CEACAM19: variants seen among roughly 807,000 people sequenced by gnomAD.
The protein encoded by CEACAM19 is CEA cell adhesion molecule 19.
Under a neutral mutation model 37.6 loss-of-function variants are expected in CEACAM19, and 37 were observed. The observed-to-expected ratio is 0.98, with a 90% CI of 0.76 to 1.29. CEACAM19 has a LOEUF of 1.29. Among genes scored for constraint, CEACAM19 ranks in the 50% most tolerant of loss-of-function variants. CEACAM19 has a pLI of 0.00. For missense variants in CEACAM19, 340 were observed against 375.6 expected (o/e 0.91, Z 0.78); for synonymous variants, 140 against 149.8 (o/e 0.93, Z 0.48).
rs116564005 is a variant in CEACAM19 at position 44,675,035 on chromosome 19, C to A, written c.425-1236C>A. 8.0e-3 allele frequency among the ~76,000 whole-genome samples: 1,218 copies of A among 151,890 alleles called. 13 individuals are homozygous for A. Among genetic ancestry groups the A allele is most frequent in the African/African-American group, 0.028 (1,141 of 41,384 alleles). On this transcript the variant is annotated intron_variant, in intron 2 of 7. Transcript: ENST00000358777. Reference sequence around the variant, plus strand: ...CAAGTCAATTTACTGTTCCATGCCTCAGTTTCCTTATCTGTAAAATGGCAT... The same window carrying A: ...CAAGTCAATTTACTGTTCCATGCCTAAGTTTCCTTATCTGTAAAATGGCAT...
intron 2 of CEACAM19, chr19:44,673,725 G>C (rs1225414612): frequency 6.6e-6 from 1 of 152,192 alleles, no homozygotes; most frequent in Non-Finnish European, 1.5e-5. Flanking sequence ...GAAAAATGGA[G>C]GCACGCAGTG....
intron 1 of CEACAM19, 173 bp from the exon 2 acceptor site, chr19:44,672,423 C>A: frequency 1.5e-6 from 1 of 667,562 alleles, no homozygotes; most frequent in Non-Finnish European, 2.3e-6. Flanking sequence ...GTAACCATGC[C>A]TGTGTTCCCA....
upstream of CEACAM19, among the ~76,000 whole-genome samples, chr19:44,667,649 TA>T (rs1357990863): frequency 3.2e-5 from 3 of 92,770 alleles, no homozygotes; most frequent in African/African-American, 4.5e-5. Flanking sequence ...TAATATATAT[TA>T]TATAGATATA....
At chr19:44,681,432 AT>A in intron 6 of CEACAM19, 120 bp downstream of exon 6, 1 of 603,968 alleles carries the variant, frequency 1.7e-6, no homozygotes, top group Non-Finnish European at 2.9e-6. Context: ...CTCTCTATAT[AT>A]TGTTCCCTGT....
chr19:44,672,496 A>G, intron 1 of CEACAM19, 100 bp from the exon 2 acceptor site: 2 of 1,261,416 alleles, frequency 1.6e-6, no homozygotes, highest in Non-Finnish European at 1.1e-6. Flanking sequence ...AGCAGCACTC[A>G]GAGTCCTTGC....
rs139387825 is a variant in CEACAM19 at position 44,676,726 on chromosome 19, T to C, written c.575+305T>C. Among the ~76,000 whole-genome samples the C allele has an allele frequency of 2.5e-3, 384 of 152,206 alleles. 2 individuals carry two copies. Among genetic ancestry groups the C allele is most frequent in the East Asian group, 0.01 (54 of 5,176 alleles). ...CAGCCTCAACTTCCCCGGACTCAGG[T>C]GAGTCTTTCACCTCAGCCTCCCAGG... On this transcript the variant is annotated intron_variant, in intron 3 of 7. Transcript: ENST00000358777.
At chr19:44,669,925 C>A (rs1196002286), upstream of CEACAM19, among the ~76,000 whole-genome samples, 6 of 152,140 alleles carry the variant, frequency 3.9e-5, no homozygotes, top group Non-Finnish European at 8.8e-5. Flanking sequence ...GGACAGAGGG[C>A]AGAGCAGAGG....
At chr19:44,668,969 G>A (rs765617316), upstream of CEACAM19, among the ~76,000 whole-genome samples, 11 of 148,576 alleles carry the variant, frequency 7.4e-5, no homozygotes, top group East Asian at 5.9e-4. Flanking sequence ...ACAGGCATGC[G>A]CCACCACGGC....
chr19:44,668,735 A>ATAATATAATATAATATAAT (rs1568513228), upstream of CEACAM19, among the ~76,000 whole-genome samples: 1 of 101,986 alleles, frequency 9.8e-6, no homozygotes, highest in Non-Finnish European at 1.7e-5. Context: ...ATATAAATAT[A>ATAATATAATATAATATAAT]ATATATAATA....
chr19:44,673,117 T>C (rs982049380), intron 2 of CEACAM19, among the ~76,000 whole-genome samples, 153 bp downstream of exon 2: 51 of 152,232 alleles, frequency 3.4e-4, no homozygotes, highest in African/African-American at 1.2e-3. Context: ...TCCCCAGAGA[T>C]AGTCTTTAAC....
chr19:44,667,590 T>A (rs1160827628), upstream of CEACAM19, among the ~76,000 whole-genome samples: 1 of 110,376 alleles, frequency 9.1e-6, no homozygotes, highest in African/African-American at 3.5e-5. Flanking sequence ...TATATGTATA[T>A]ATTTTTATAT....
chr19:44,667,686 TAA>T (rs1445874422), upstream of CEACAM19, among the ~76,000 whole-genome samples: 1 of 85,154 alleles, frequency 1.2e-5, no homozygotes, highest in Non-Finnish European at 2.1e-5. Context: ...ATTATATATA[TAA>T]ATATATAATA....
chr19:44,681,086 T>C, intron 5 of CEACAM19, 141 bp from the exon 6 acceptor site: 1 of 646,000 alleles, frequency 1.5e-6, no homozygotes, highest in South Asian at 1.8e-5. Flanking sequence ...GTCAGCACTG[T>C]GTCCCCAGCA....
chr19:44,667,538 T>G (rs1272675390), upstream of CEACAM19, among the ~76,000 whole-genome samples: 1 of 127,052 alleles, frequency 7.9e-6, no homozygotes, highest in Non-Finnish European at 1.6e-5. Flanking sequence ...CACATACATT[T>G]TACATATATT....
At chr19:44,676,088 T>A (rs1323910617) in intron 2 of CEACAM19, among the ~76,000 whole-genome samples, 183 bp from the exon 3 acceptor site, 1 of 151,930 alleles carries the variant, frequency 6.6e-6, no homozygotes, top group Non-Finnish European at 1.5e-5. Flanking sequence ...CATGTTGGAT[T>A]TTATGTGCCA....
chr19:44,669,878 G>GC (rs1335874989), upstream of CEACAM19, among the ~76,000 whole-genome samples: 4 of 152,016 alleles, frequency 2.6e-5, no homozygotes, highest in East Asian at 3.9e-4. Flanking sequence ...AGAGGGGTCT[G>GC]CCCCCCCAAA....
intron 2 of CEACAM19, among the ~76,000 whole-genome samples, chr19:44,675,461 T>C (rs771581385): frequency 1.3e-5 from 2 of 151,914 alleles, no homozygotes; most frequent in Non-Finnish European, 2.9e-5. Flanking sequence ...GCTGAAGGGA[T>C]TCAGGTATCA....
In CEACAM19 at chr19:44,672,885, A is replaced by C. The variant is rs375681143; in HGVS notation, c.345A>C (p.Thr115=). 1.9e-6 allele frequency: 3 copies of C among 1,584,910 alleles called. No homozygotes were observed. In the South Asian group the frequency reaches 3.5e-5, roughly 18 times the overall value. The change falls in exon 2 of 8, where the codon ACA becomes ACC. Residue 115 remains threonine (T), a synonymous_variant. Coordinates refer to ENST00000358777, the MANE Select transcript of CEACAM19 (RefSeq NM_001127893.3). ...GSMLLRRAQP[T]DSGTYQVAIT... is the part of the protein sequence containing the mutation. ...TGCTGCTGCGCCGCGCCCAGCCTAC[A>C]GACAGTGGCACCTACCAAGTAGCCA...
At chr19:44,682,348 G>T (rs924496166) in intron 6 of CEACAM19, among the ~76,000 whole-genome samples, 1 of 152,210 alleles carries the variant, frequency 6.6e-6, no homozygotes, top group African/African-American at 2.4e-5. Flanking sequence ...TAATGGAGTG[G>T]TTGACGGGCC....
Sources: allele counts gnomAD v4.1 joint callset (sites outside exome capture counted in the v4.1 genomes callset), GRCh38; gene constraint gnomAD v4.1.1; transcripts MANE v1.5; gene names NCBI Gene and HGNC (gene_info 2026-07-23, HGNC 2026-07-21).